PTPRZ1: variants seen among roughly 807,000 people sequenced by gnomAD.
The protein encoded by PTPRZ1 is protein tyrosine phosphatase receptor type Z1, also known as receptor-type tyrosine-protein phosphatase zeta.
Under a neutral mutation model 214.1 loss-of-function variants are expected in PTPRZ1, and 82 were observed. The ratio of observed to expected loss-of-function variants is 0.38; its 90% CI spans 0.32 to 0.46. PTPRZ1 has a LOEUF of 0.46. PTPRZ1 is among the 20% of genes least tolerant of loss of function. The pLI is 1.00. For missense variants in PTPRZ1, 2,603 were observed against 2,748.7 expected, an observed-to-expected ratio of 0.95 and a Z score of 1.19; for synonymous variants, 945 against 987.9, an observed-to-expected ratio of 0.96 and a Z score of 0.81.
chr7:121,975,858 T>C (rs934162725), intron 4 of PTPRZ1, among the ~76,000 whole-genome samples: 10 of 152,106 alleles, frequency 6.6e-5, no homozygotes, highest in African/African-American at 2.4e-4. Context: ...AGGCATGCAC[T>C]CTTGAGAAAG....
At chr7:121,976,319 A>G in intron 5 of PTPRZ1, 51 bp downstream of exon 5, 1 of 1,117,504 alleles carries the variant, frequency 8.9e-7, no homozygotes, top group Non-Finnish European at 1.3e-6. Flanking sequence ...AGTCACATTA[A>G]ATATTGACGT....
At position 121,878,611 on chromosome 7, in the gene PTPRZ1, C is replaced by T. The variant is rs1229769238; in HGVS notation, c.58+5054C>T. On this transcript the variant is annotated intron_variant, in intron 1 of 29. Transcript: ENST00000393386. ...GAACAGAAGAGATTAACTGCTGGTTCGGGAGTGAGTGCTCTGCTCCCATAG... is the reference window on the plus strand; with the variant it reads ...GAACAGAAGAGATTAACTGCTGGTTTGGGAGTGAGTGCTCTGCTCCCATAG... 2.0e-5 allele frequency among the ~76,000 whole-genome samples: 3 copies of T among 152,124 alleles called. No homozygotes were observed. In the South Asian group the frequency reaches 6.2e-4, roughly 32 times the overall value.
chr7:121,938,200 T>G (rs906023638), intron 2 of PTPRZ1, among the ~76,000 whole-genome samples: 1 of 152,118 alleles, frequency 6.6e-6, no homozygotes, highest in Non-Finnish European at 1.5e-5. Flanking sequence ...AAAAAGCAGT[T>G]TTATTATCAA....
intron 1 of PTPRZ1, among the ~76,000 whole-genome samples, chr7:121,876,929 G>GA (rs1229629276): frequency 2.6e-5 from 4 of 152,068 alleles, no homozygotes; most frequent in Admixed American, 6.5e-5. Flanking sequence ...CTTTAACTCC[G>GA]AAAAGATTTG....
At chr7:121,900,426 T>C (rs754491195) in intron 1 of PTPRZ1, among the ~76,000 whole-genome samples, 2 of 152,206 alleles carry the variant, frequency 1.3e-5, no homozygotes, top group Non-Finnish European at 2.9e-5. Flanking sequence ...TGGATCCCAT[T>C]GATGGTTTAG....
chr7:121,886,070 T>C (rs1185688652), intron 1 of PTPRZ1, among the ~76,000 whole-genome samples: 2 of 152,164 alleles, frequency 1.3e-5, no homozygotes, highest in Non-Finnish European at 2.9e-5. Context: ...GCTTTGAGAC[T>C]GTAGTACACA....
At chr7:121,916,330 A>G (rs1795426193) in intron 1 of PTPRZ1, among the ~76,000 whole-genome samples, 1 of 151,930 alleles carries the variant, frequency 6.6e-6, no homozygotes, top group Non-Finnish European at 1.5e-5. Flanking sequence ...CACATTAGAC[A>G]GTGCAGGAGT....
At chr7:122,027,414 A>G (rs1257210854) in intron 13 of PTPRZ1, among the ~76,000 whole-genome samples, 2 of 152,214 alleles carry the variant, frequency 1.3e-5, no homozygotes, top group Admixed American at 6.5e-5. Flanking sequence ...GCGAGAAGCC[A>G]TTCAAGAATT....
intron 2 of PTPRZ1, among the ~76,000 whole-genome samples, chr7:121,948,914 G>A (rs1353916770): frequency 1.3e-5 from 2 of 152,100 alleles, no homozygotes; most frequent in Non-Finnish European, 2.9e-5. Flanking sequence ...GTTACTTCCT[G>A]TGAACCCTAA....
intron 10 of PTPRZ1, among the ~76,000 whole-genome samples, chr7:122,000,506 T>A (rs1798283375): frequency 6.6e-6 from 1 of 151,428 alleles, no homozygotes; most frequent in Non-Finnish European, 1.5e-5. Flanking sequence ...TTTATTAGCT[T>A]GGTAACTGTA....
chr7:121,918,005 G>A (rs727767), intron 1 of PTPRZ1, among the ~76,000 whole-genome samples: 1 of 151,696 alleles, frequency 6.6e-6, no homozygotes, highest in African/African-American at 2.4e-5. Flanking sequence ...TATAGTAAAT[G>A]TGCTTCTTGG....
intron 2 of PTPRZ1, among the ~76,000 whole-genome samples, chr7:121,954,871 G>T (rs1389663096): frequency 6.6e-6 from 1 of 152,206 alleles, no homozygotes; most frequent in Non-Finnish European, 1.5e-5. Flanking sequence ...TATCATAATG[G>T]ATCCACAGCT....
intron 1 of PTPRZ1, among the ~76,000 whole-genome samples, chr7:121,912,606 G>A (rs753498793): frequency 1.3e-5 from 2 of 152,160 alleles, no homozygotes; most frequent in Non-Finnish European, 2.9e-5. Context: ...GAATTTTTAG[G>A]GTAGCAGTGC....
chr7:121,914,788 C>T (rs963380992), intron 1 of PTPRZ1, among the ~76,000 whole-genome samples: 1 of 152,062 alleles, frequency 6.6e-6, no homozygotes, highest in Non-Finnish European at 1.5e-5. Flanking sequence ...TTACTGGATA[C>T]TTGCTCTACC....
intron 2 of PTPRZ1, among the ~76,000 whole-genome samples, chr7:121,934,625 T>C (rs944309727): frequency 2.0e-5 from 3 of 151,994 alleles, no homozygotes; most frequent in Non-Finnish European, 4.4e-5. Context: ...TTTGAGCAAG[T>C]ACATTATGAA....
At position 122,053,873 on chromosome 7, in the gene PTPRZ1, CGCCAGT is replaced by C. The variant is rs564281587; in HGVS notation, c.6253-34_6253-29del. ...GCTTATCTGAATGTTTAAAGGCATA[CGCCAGT>C]GCTGTTTTTGTCTTCTCTTTGGTTT... On this transcript the variant is annotated intron_variant, in intron 25 of 29. Coordinates refer to ENST00000393386, the MANE Select transcript of PTPRZ1 (RefSeq NM_002851.3). 196 of 1,608,758 alleles carry C rather than the reference CGCCAGT, an allele frequency of 1.2e-4. No individual in the cohort carries two copies. The African/African-American group carries it at 2.2e-3, about 18-fold the overall frequency.
intron 2 of PTPRZ1, among the ~76,000 whole-genome samples, chr7:121,963,381 A>T (rs1796938957): frequency 6.6e-6 from 1 of 152,176 alleles, no homozygotes; most frequent in African/African-American, 2.4e-5. Flanking sequence ...GCCAAACCAT[A>T]TCAGACACCT....
chr7:122,047,347 G>A (rs1425449484), intron 23 of PTPRZ1, among the ~76,000 whole-genome samples: 2 of 152,068 alleles, frequency 1.3e-5, no homozygotes, highest in African/African-American at 4.8e-5. Flanking sequence ...TTTGGGGGTT[G>A]TTTATTTGGG....
At chr7:121,999,627 A>G (rs942802953) in intron 10 of PTPRZ1, among the ~76,000 whole-genome samples, 2 of 152,154 alleles carry the variant, frequency 1.3e-5, no homozygotes, top group African/African-American at 4.8e-5. Context: ...ATTTCTCAGG[A>G]GTTTGCAAAA....
Sources: allele counts gnomAD v4.1 joint callset (sites outside exome capture counted in the v4.1 genomes callset), GRCh38; gene constraint gnomAD v4.1.1; transcripts MANE v1.5; gene names NCBI Gene and HGNC (gene_info 2026-07-23, HGNC 2026-07-21).